SYT14: variants seen among roughly 807,000 people sequenced by gnomAD.
SYT14 encodes the protein synaptotagmin-14.
Under a neutral mutation model 74.2 loss-of-function variants are expected in SYT14, and 32 were observed. The ratio of observed to expected loss-of-function variants is 0.43; its 90% CI spans 0.33 to 0.58. The LOEUF (loss-of-function observed/expected upper bound fraction) is 0.58, where lower values mean the gene tolerates loss of function less well. Ranked by LOEUF, SYT14 falls within the 20% of genes least tolerant of loss-of-function variation. The pLI is 0.05. For synonymous variants in SYT14, 298 were observed against 337.7 expected (o/e 0.88, Z 1.29); for missense variants, 791 against 981.8 (o/e 0.81, Z 2.60).
chr1:210,050,162 C>T (rs576445204), intron 5 of SYT14, among the ~76,000 whole-genome samples: 32 of 152,316 alleles, frequency 2.1e-4, no homozygotes, highest in African/African-American at 7.0e-4. Context: ...CACAAAGTCA[C>T]GTCTTGAATG....
chr1:210,040,895 C>G (rs1310489577), intron 5 of SYT14, among the ~76,000 whole-genome samples: 1 of 152,160 alleles, frequency 6.6e-6, no homozygotes. Context: ...AAGGGGTTCT[C>G]TATTTAGGGC....
At chr1:209,976,006 A>G (rs1316373023) in intron 2 of SYT14, among the ~76,000 whole-genome samples, 1 of 152,124 alleles carries the variant, frequency 6.6e-6, no homozygotes, top group East Asian at 1.9e-4. Flanking sequence ...TGTTTATAGT[A>G]TTCTCTGATG....
intron 7 of SYT14, among the ~76,000 whole-genome samples, chr1:210,135,114 A>AG (rs1010119060): frequency 6.6e-6 from 1 of 151,828 alleles, no homozygotes; most frequent in African/African-American, 2.4e-5. Flanking sequence ...CCGAGTACCT[A>AG]GGATTACAAG....
At chr1:210,054,170 A>G (rs2081051821) in intron 5 of SYT14, among the ~76,000 whole-genome samples, 2 of 152,056 alleles carry the variant, frequency 1.3e-5, no homozygotes, top group African/African-American at 4.8e-5. Context: ...CTGGGGTACA[A>G]CTTTCATTGT....
chr1:210,013,646 A>C, exon 3 of SYT14: 10 of 1,612,938 alleles, frequency 6.2e-6, no homozygotes, highest in Non-Finnish European at 8.5e-6. Flanking sequence ...CTCCAGAGGC[A>C]GTTGGATTTT....
At chr1:210,109,230 C>A (rs1176691306) in intron 7 of SYT14, among the ~76,000 whole-genome samples, 1 of 151,930 alleles carries the variant, frequency 6.6e-6, no homozygotes, top group African/African-American at 2.4e-5. Flanking sequence ...TAGAGAAATG[C>A]AAATCAAAAA....
chr1:210,045,334 A>C, intron 5 of SYT14, among the ~76,000 whole-genome samples: 1 of 152,348 alleles, frequency 6.6e-6, no homozygotes, highest in East Asian at 1.9e-4. Context: ...TGTAAAAAAT[A>C]TATGAGATGC....
chr1:210,025,878 G>A (rs1419163540), intron 5 of SYT14, among the ~76,000 whole-genome samples: 1 of 152,152 alleles, frequency 6.6e-6, no homozygotes, highest in Non-Finnish European at 1.5e-5. Flanking sequence ...CAAGTTGACA[G>A]CGAAATTAAT....
At chr1:210,117,435 CTCT>C (rs1025019186) in intron 7 of SYT14, among the ~76,000 whole-genome samples, 6 of 152,128 alleles carry the variant, frequency 3.9e-5, no homozygotes, top group African/African-American at 1.4e-4. Context: ...ATGTAGATTA[CTCT>C]TCTTCTTTGT....
At chr1:209,938,527 G>C (rs2078674009) in intron 1 of SYT14, among the ~76,000 whole-genome samples, 1 of 151,946 alleles carries the variant, frequency 6.6e-6, no homozygotes, top group South Asian at 2.1e-4. Flanking sequence ...GGCCGCACGC[G>C]GGGCAAAGCG....
At chr1:209,954,178 G>C (rs1004133589) in intron 2 of SYT14, among the ~76,000 whole-genome samples, 6 of 152,190 alleles carry the variant, frequency 3.9e-5, no homozygotes, top group African/African-American at 1.4e-4. Flanking sequence ...CAAGAGTAGA[G>C]ACAGCTAGAA....
chr1:209,978,695 A>G (rs1302434473), intron 2 of SYT14, among the ~76,000 whole-genome samples: 1 of 152,226 alleles, frequency 6.6e-6, no homozygotes, highest in Middle Eastern at 3.2e-3. Context: ...TCAGATCTCC[A>G]GCTGCGTGCT....
chr1:210,023,296 T>C (rs1325081998), intron 5 of SYT14, among the ~76,000 whole-genome samples: 1 of 151,984 alleles, frequency 6.6e-6, no homozygotes, highest in Non-Finnish European at 1.5e-5. Flanking sequence ...TGATGAGAGG[T>C]CTGTTAGTCA....
intron 7 of SYT14, among the ~76,000 whole-genome samples, chr1:210,146,156 G>A (rs1377182642): frequency 6.6e-6 from 1 of 152,016 alleles, no homozygotes; most frequent in African/African-American, 2.4e-5. Context: ...TGGCCAACAT[G>A]GTGAAACCCC....
chr1:210,149,170 T>G (rs2083107304), intron 7 of SYT14, among the ~76,000 whole-genome samples: 1 of 148,278 alleles, frequency 6.7e-6, no homozygotes, highest in South Asian at 2.1e-4. Context: ...AAATTTTGAT[T>G]ATAGCAGGAA....
At chr1:209,998,188 G>A (rs1025390538) in intron 2 of SYT14, among the ~76,000 whole-genome samples, 1 of 151,820 alleles carries the variant, frequency 6.6e-6, no homozygotes, top group Non-Finnish European at 1.5e-5. Flanking sequence ...AGGCCAAGAA[G>A]GCAATCACAT....
chr1:209,973,264 G>T (rs2079291824), intron 2 of SYT14, among the ~76,000 whole-genome samples: 1 of 151,770 alleles, frequency 6.6e-6, no homozygotes, highest in Admixed American at 6.6e-5. Flanking sequence ...ACAACGTGCA[G>T]GTTAGTTACA....
At chr1:210,121,604 C>T (rs908778516) in intron 7 of SYT14, among the ~76,000 whole-genome samples, 3 of 151,964 alleles carry the variant, frequency 2.0e-5, no homozygotes, top group Admixed American at 6.6e-5. Context: ...ACCATCCTGG[C>T]TAACATGGTG....
chr1:210,146,482 A>G (rs759340400), intron 7 of SYT14, among the ~76,000 whole-genome samples: 29 of 152,294 alleles, frequency 1.9e-4, no homozygotes, highest in Admixed American at 1.3e-3. Flanking sequence ...ATTAGGTACT[A>G]CAGTATAATG....
Sources: gnomAD v4.1 joint callset for allele counts (sites outside exome capture counted in the v4.1 genomes callset) on GRCh38, gnomAD v4.1.1 for gene constraint, MANE v1.5 for transcripts, NCBI Gene and HGNC (gene_info 2026-07-23, HGNC 2026-07-21) for gene names.